Variants in NXN observed in about 807,000 individuals in gnomAD.
NXN encodes the protein nucleoredoxin.
A neutral mutation model predicts 48.6 loss-of-function variants in NXN; 16 were observed. The observed-to-expected ratio is 0.33, with a 90% CI of 0.22 to 0.50. NXN has a LOEUF of 0.50. NXN is among the 20% of genes least tolerant of loss of function. NXN has a pLI of 0.98. For missense variants in NXN, 492 were observed against 605.5 expected (o/e 0.81, Z 1.97); for synonymous variants, 281 against 269.6 (o/e 1.04, Z -0.41).
At chr17:933,435 G>A (rs12941613) in intron 1 of NXN, 18,407 of 151,980 alleles carry the variant, frequency 0.12, 1,390 homozygotes, top group Middle Eastern at 0.24. Flanking sequence ...TGGGGGAAGG[G>A]GAAGAACTGG....
chr17:813,731 G>T (rs1162051775), intron 5 of NXN, among the ~76,000 whole-genome samples: 2 of 152,154 alleles, frequency 1.3e-5, no homozygotes, highest in Admixed American at 1.3e-4. Flanking sequence ...CACTTTGGGA[G>T]GCCAAGGCGG....
chr17:880,640 C>A (rs2068273757), intron 1 of NXN, among the ~76,000 whole-genome samples: 1 of 152,120 alleles, frequency 6.6e-6, no homozygotes, highest in East Asian at 1.9e-4. Context: ...ATAGGCCACA[C>A]AAAACCCACA....
intron 4 of NXN, 21 bp from the exon 5 acceptor site, chr17:819,566 C>T (rs771993949): frequency 1.3e-5 from 20 of 1,538,676 alleles, no homozygotes; most frequent in South Asian, 2.4e-5. Context: ...ACACACGTGG[C>T]GGGCAAGGCT....
rs564398397 is a variant in NXN at position 965,041 on chromosome 17, C to T, written c.360+14278G>A. On this transcript the variant is annotated intron_variant, in intron 1 of 7. Transcript: ENST00000336868. The stretch of plus-strand genomic sequence containing the variant: ...TGGCCCTCAGGAAGTACAAGCTCTG[C>T]GCCTTCTGGACAAATGGGGGACTCT... Among the ~76,000 whole-genome samples, 7 of 152,264 alleles carry T rather than the reference C, an allele frequency of 4.6e-5. No homozygotes were observed. The South Asian group carries it at 8.3e-4, about 18-fold the overall frequency.
At chr17:880,424 G>C (rs1300052196) in intron 1 of NXN, among the ~76,000 whole-genome samples, 1 of 152,152 alleles carries the variant, frequency 6.6e-6, no homozygotes, top group Non-Finnish European at 1.5e-5. Flanking sequence ...TGGCCTGTTA[G>C]AGCCTTTCTT....
intron 1 of NXN, among the ~76,000 whole-genome samples, chr17:921,359 G>A (rs1008377990): frequency 1.3e-5 from 2 of 152,028 alleles, no homozygotes; most frequent in African/African-American, 2.4e-5. Context: ...GGCTCTCAGC[G>A]GGGCCACCAA....
At chr17:827,942 G>A (rs954093677) in intron 1 of NXN, among the ~76,000 whole-genome samples, 1 of 152,194 alleles carries the variant, frequency 6.6e-6, no homozygotes, top group Non-Finnish European at 1.5e-5. Context: ...TTCCCTGTCT[G>A]TGGAGACCTG....
intron 1 of NXN, among the ~76,000 whole-genome samples, chr17:959,816 G>T (rs1228273875): frequency 1.3e-5 from 2 of 149,840 alleles, no homozygotes; most frequent in East Asian, 3.9e-4. Flanking sequence ...AACAGGGCTG[G>T]GTGTGGTGGC....
intron 1 of NXN, among the ~76,000 whole-genome samples, chr17:839,111 C>T (rs1272919801): frequency 6.6e-6 from 1 of 152,162 alleles, no homozygotes; most frequent in African/African-American, 2.4e-5. Flanking sequence ...GATTAATGCA[C>T]GTGCGGTGCT....
At chr17:895,307 G>A (rs1041427813) in intron 1 of NXN, among the ~76,000 whole-genome samples, 6 of 151,554 alleles carry the variant, frequency 4.0e-5, no homozygotes, top group African/African-American at 9.7e-5. Context: ...ATGAGCCACC[G>A]CGCCTGGCCC....
intron 6 of NXN, chr17:804,129 C>T (rs578015045): frequency 3.1e-6 from 1 of 318,458 alleles, no homozygotes; most frequent in Non-Finnish European, 5.9e-6. Flanking sequence ...TGAGCTTCCC[C>T]TAAGCCAGGA....
chr17:868,404 G>A (rs906562159), intron 1 of NXN, among the ~76,000 whole-genome samples: 1 of 152,032 alleles, frequency 6.6e-6, no homozygotes, highest in Non-Finnish European at 1.5e-5. Context: ...GCTCCTCCTC[G>A]GCTCTCACCC....
intron 1 of NXN, among the ~76,000 whole-genome samples, chr17:853,738 T>TC (rs1296174003): frequency 7.0e-5 from 10 of 143,574 alleles, no homozygotes; most frequent in South Asian, 4.4e-4. Flanking sequence ...TTTTTTTTTT[T>TC]CCAAGACGGA....
At chr17:834,739 CG>C (rs1309468682) in intron 1 of NXN, among the ~76,000 whole-genome samples, 1 of 151,676 alleles carries the variant, frequency 6.6e-6, no homozygotes, top group Non-Finnish European at 1.5e-5. Flanking sequence ...ACGCTGGTCT[CG>C]AACCTCCTGA....
chr17:952,060 T>C, intron 1 of NXN, among the ~76,000 whole-genome samples: 1 of 151,980 alleles, frequency 6.6e-6, no homozygotes. Context: ...GCGTTTCCGT[T>C]TTTGTGGGGG....
intron 1 of NXN, among the ~76,000 whole-genome samples, chr17:906,238 A>G (rs569801224): frequency 1.2e-4 from 19 of 152,310 alleles, no homozygotes; most frequent in African/African-American, 4.1e-4. Context: ...CCCCTGGACC[A>G]CACAGCTCTG....
intron 1 of NXN, among the ~76,000 whole-genome samples, chr17:853,782 G>A (rs2067954162): frequency 6.8e-6 from 1 of 148,104 alleles, no homozygotes; most frequent in African/African-American, 2.5e-5. Flanking sequence ...GAGTGCAGTG[G>A]TGCGATCTCG....
At chr17:853,723 A>ATATATATTTT (rs1491528474) in intron 1 of NXN, among the ~76,000 whole-genome samples, 5 of 106,002 alleles carry the variant, frequency 4.7e-5, no homozygotes, top group African/African-American at 8.6e-5. Context: ...ATATATATAT[A>ATATATATTTT]TTTTTTTTTT....
chr17:873,009 G>C (rs1204594196), intron 1 of NXN, among the ~76,000 whole-genome samples: 3 of 152,100 alleles, frequency 2.0e-5, no homozygotes, highest in Non-Finnish European at 4.4e-5. Context: ...TGAAGTCTAA[G>C]GAGAAAAAAC....
Sources: gnomAD v4.1 joint callset for allele counts (sites outside exome capture counted in the v4.1 genomes callset) on GRCh38, gnomAD v4.1.1 for gene constraint, MANE v1.5 for transcripts, NCBI Gene and HGNC (gene_info 2026-07-23, HGNC 2026-07-21) for gene names.